The following MID1 variants were observed in gnomAD, a reference collection of about 807,000 sequenced individuals.
MID1 encodes E3 ubiquitin-protein ligase Midline-1.
A neutral mutation model predicts 40.4 loss-of-function variants in MID1; 7 were observed. The ratio of observed to expected loss-of-function variants is 0.17; its 90% CI spans 0.10 to 0.33. The LOEUF (loss-of-function observed/expected upper bound fraction) is 0.33. Ranked by LOEUF, MID1 falls within the 10% of genes least tolerant of loss-of-function variation. MID1 has a pLI of 1.00. For missense variants in MID1, 367 were observed against 558.5 expected, an observed-to-expected ratio of 0.66 and a Z score of 3.46; for synonymous variants, 229 against 221.2, an observed-to-expected ratio of 1.04 and a Z score of -0.31.
chrX:10,488,973 C>CTATA (rs763779774), intron 4 of MID1, among the ~76,000 whole-genome samples: 4 of 109,652 alleles, frequency 3.6e-5, no homozygotes, highest in African/African-American at 1.3e-4. Context: ...TCCTCTCTCT[C>CTATA]TATATATATA....
At chrX:10,741,102 CA>C (rs1777645648) in intron 1 of MID1, among the ~76,000 whole-genome samples, 1 of 111,813 alleles carries the variant, frequency 8.9e-6, no homozygotes, top group South Asian at 3.7e-4. Flanking sequence ...TGTGCTTTGT[CA>C]ACATCAATTT....
At chrX:10,771,800 C>T (rs868507975) in intron 1 of MID1, among the ~76,000 whole-genome samples, 1 of 109,098 alleles carries the variant, frequency 9.2e-6, no homozygotes, top group East Asian at 2.8e-4. Flanking sequence ...TGAGCCACCG[C>T]GCCCGGCCAC....
At chrX:10,621,995 A>G (rs1427684681), upstream of MID1, among the ~76,000 whole-genome samples, 1 of 104,227 alleles carries the variant, frequency 9.6e-6, no homozygotes, top group African/African-American at 3.5e-5. Flanking sequence ...GTCTCCAGAC[A>G]TTACCAAATG....
At chrX:10,613,732 T>TATATATATATATAGAGAG (rs1482081086) in intron 1 of MID1, among the ~76,000 whole-genome samples, 6 of 17,482 alleles carry the variant, frequency 3.4e-4, no homozygotes, top group Non-Finnish European at 5.4e-4. Flanking sequence ...TATATATATA[T>TATATATATATATAGAGAG]AGAGAGAGAG....
At chrX:10,731,966 CAAAAAAA>C (rs754605735) in intron 1 of MID1, among the ~76,000 whole-genome samples, 1,334 of 26,588 alleles carry the variant, frequency 0.05, 30 homozygotes, top group African/African-American at 0.12. Context: ...GAATCTATCA[CAAAAAAA>C]AAAAAAAAAA....
chrX:10,830,732 C>A (rs970908896), intron 1 of MID1, among the ~76,000 whole-genome samples: 1 of 112,356 alleles, frequency 8.9e-6, no homozygotes, highest in African/African-American at 3.2e-5. Flanking sequence ...TAAGCAATAA[C>A]CAAATGTTAG....
chrX:10,748,720 T>A (rs1284908111), intron 1 of MID1, among the ~76,000 whole-genome samples: 1 of 111,988 alleles, frequency 8.9e-6, no homozygotes, highest in East Asian at 2.8e-4. Flanking sequence ...TGCGATGTCA[T>A]CCCAAAGAAG....
At chrX:10,566,522 CCTCTCTCTCCCTCTCTCT>C (rs1248995578) in intron 2 of MID1, among the ~76,000 whole-genome samples, 1 of 82,264 alleles carries the variant, frequency 1.2e-5, no homozygotes, top group Non-Finnish European at 2.2e-5. Context: ...CCTCTCTCTC[CCTCTCTCTCCCTCTCTCT>C]CTCTCTCTCT....
intron 1 of MID1, among the ~76,000 whole-genome samples, chrX:10,641,732 A>G (rs1936199159): frequency 8.9e-6 from 1 of 112,066 alleles, no homozygotes; most frequent in Non-Finnish European, 1.9e-5. Flanking sequence ...ATTTTAGACC[A>G]ATATCCCTGA....
chrX:10,746,183 G>T (rs766837913), intron 1 of MID1, among the ~76,000 whole-genome samples: 1 of 111,877 alleles, frequency 8.9e-6, no homozygotes, highest in East Asian at 2.8e-4. Context: ...AGTATGCTTG[G>T]GAAGAGCCAG....
chrX:10,665,572 G>A (rs1378659979), intron 1 of MID1, among the ~76,000 whole-genome samples: 1 of 106,356 alleles, frequency 9.4e-6, no homozygotes, highest in Non-Finnish European at 1.9e-5. Flanking sequence ...TTGTCGCCCA[G>A]GCTGGAGTGT....
chrX:10,727,368 C>G (rs1379900152), intron 1 of MID1, among the ~76,000 whole-genome samples: 1 of 112,702 alleles, frequency 8.9e-6, no homozygotes, highest in Admixed American at 9.3e-5. Flanking sequence ...ATCCTCCCGC[C>G]TCAGCCTCCC....
At chrX:10,614,200 A>G (rs1935801953) in intron 1 of MID1, among the ~76,000 whole-genome samples, 1 of 111,487 alleles carries the variant, frequency 9.0e-6, no homozygotes, top group Non-Finnish European at 1.9e-5. Flanking sequence ...CTTTCCATTT[A>G]TTCTAATCCA....
chrX:10,529,620 T>C (rs1932905814), intron 2 of MID1, among the ~76,000 whole-genome samples: 1 of 111,783 alleles, frequency 8.9e-6, no homozygotes, highest in Non-Finnish European at 1.9e-5. Flanking sequence ...CTTTCCCCAC[T>C]CCTGTGCTGT....
At chrX:10,462,773 CAAAAAATTAT>C (rs1929125488) in intron 7 of MID1, among the ~76,000 whole-genome samples, 1 of 111,369 alleles carries the variant, frequency 9.0e-6, no homozygotes, top group African/African-American at 3.3e-5. Context: ...CATCTTGCCA[CAAAAAATTAT>C]GTGTAAAAAT....
At chrX:10,634,022 T>A (rs1936081725) in intron 1 of MID1, among the ~76,000 whole-genome samples, 1 of 110,446 alleles carries the variant, frequency 9.1e-6, no homozygotes, top group African/African-American at 3.3e-5. Flanking sequence ...AGAGAGAAAG[T>A]CTCTTGGAAA....
chrX:10,532,065 A>G (rs1187918032), intron 2 of MID1, among the ~76,000 whole-genome samples: 1 of 112,646 alleles, frequency 8.9e-6, no homozygotes, highest in African/African-American at 3.2e-5. Context: ...ATTTTGTAAG[A>G]CTATAACACA....
At chrX:10,725,731 C>T (rs1217838693) in intron 1 of MID1, among the ~76,000 whole-genome samples, 1 of 111,575 alleles carries the variant, frequency 9.0e-6, no homozygotes, top group African/African-American at 3.3e-5. Flanking sequence ...TGGTGGGGTG[C>T]ACCTGTAATC....
At chrX:10,721,429 G>C (rs1243496579) in intron 1 of MID1, among the ~76,000 whole-genome samples, 1 of 110,599 alleles carries the variant, frequency 9.0e-6, no homozygotes, top group Non-Finnish European at 1.9e-5. Context: ...AGGAATAACA[G>C]ATTTAAGAGG....
Sources: gnomAD v4.1 joint callset for allele counts (sites outside exome capture counted in the v4.1 genomes callset) on GRCh38, gnomAD v4.1.1 for gene constraint, MANE v1.5 for transcripts, NCBI Gene and HGNC (gene_info 2026-07-23, HGNC 2026-07-21) for gene names.